PBK: variants seen among roughly 807,000 people sequenced by gnomAD.
The protein encoded by PBK is lymphokine-activated killer T-cell-originated protein kinase.
A neutral mutation model predicts 33.5 loss-of-function variants in PBK; 22 were observed. The ratio of observed to expected loss-of-function variants is 0.66; its 90% confidence interval spans 0.47 to 0.94. The LOEUF (loss-of-function observed/expected upper bound fraction) is 0.94, where lower values mean the gene tolerates loss of function less well. Among genes scored for constraint, PBK ranks in the 40% least tolerant of loss-of-function variants. The probability of loss-of-function intolerance (pLI) is 0.00; values close to 1 mark genes in which losing one functional copy is unlikely to be tolerated. For missense variants in PBK, 376 were observed against 383.4 expected, an observed-to-expected ratio of 0.98 and a Z score of 0.16; for synonymous variants, 129 against 123.8, an observed-to-expected ratio of 1.04 and a Z score of -0.28.
chr8:27,828,046 C>G (rs140897917), intron 3 of PBK, 59 bp downstream of exon 3: 6 of 828,598 alleles, frequency 7.2e-6, no homozygotes, highest in Non-Finnish European at 1.2e-5. Flanking sequence ...TTCTTTGTCT[C>G]CAAGTACAGT....
chr8:27,831,203 A>C (rs1011573067), intron 2 of PBK, among the ~76,000 whole-genome samples: 4 of 152,072 alleles, frequency 2.6e-5, no homozygotes, highest in South Asian at 2.1e-4. Flanking sequence ...AAATACAAAA[A>C]TTAGCCGGCC....
rs569262311 is a variant in PBK at position 27,810,207 on chromosome 8, A to T, written c.*98T>A. On this transcript the variant is annotated 3_prime_UTR_variant, in exon 8 of 8. Coordinates refer to ENST00000301905, the MANE Select transcript of PBK (RefSeq NM_018492.4). Reference sequence around the variant, plus strand: ...TAACAAGAAACTATGGTCCTCAAATATGCCAATTTTAGAGTCTAATAACTA... The same window carrying T: ...TAACAAGAAACTATGGTCCTCAAATTTGCCAATTTTAGAGTCTAATAACTA... 4 of 795,740 alleles carry T rather than the reference A, an allele frequency of 5.0e-6. No individual in the cohort carries two copies. The highest frequency in any genetic ancestry group is 6.3e-6 in the Non-Finnish European group (3 of 473,370). 49.3% of individuals were successfully genotyped at this position (795,740 alleles called of 1,614,324 possible). A position where few individuals can be genotyped will look rare whatever the true frequency, so the allele number is the denominator to read the frequency against.
At chr8:27,824,460 CAAAT>C (rs1403412191) in intron 3 of PBK, among the ~76,000 whole-genome samples, 1 of 151,684 alleles carries the variant, frequency 6.6e-6, no homozygotes, top group African/African-American at 2.4e-5. Context: ...GACAATATCA[CAAAT>C]AAAAATGGAA....
intron 2 of PBK, 45 bp downstream of exon 2, chr8:27,833,011 G>T (rs750011527): frequency 1.8e-6 from 2 of 1,133,450 alleles, no homozygotes; most frequent in Non-Finnish European, 2.6e-6. Flanking sequence ...ATTTCTAAGA[G>T]AAACAACAAT....
intron 6 of PBK, among the ~76,000 whole-genome samples, chr8:27,811,808 G>A (rs1166691608): frequency 1.3e-5 from 2 of 152,084 alleles, no homozygotes; most frequent in African/African-American, 4.8e-5. Flanking sequence ...ATATCTTACT[G>A]AATTTTCTCA....
chr8:27,830,334 G>A (rs1260058641), intron 2 of PBK, among the ~76,000 whole-genome samples: 2 of 149,846 alleles, frequency 1.3e-5, no homozygotes, highest in Admixed American at 6.6e-5. Context: ...AGACAAAATA[G>A]AAGCTTAGGA....
At chr8:27,811,716 T>G (rs979623462) in intron 6 of PBK, among the ~76,000 whole-genome samples, 8 of 152,300 alleles carry the variant, frequency 5.3e-5, no homozygotes, top group Middle Eastern at 3.4e-3. Flanking sequence ...TTGGACTAAA[T>G]CTCTGGATCA....
intron 3 of PBK, among the ~76,000 whole-genome samples, chr8:27,826,074 A>G (rs1243732744): frequency 6.6e-6 from 1 of 152,208 alleles, no homozygotes; most frequent in Non-Finnish European, 1.5e-5. Context: ...GATCCAGGAC[A>G]GTGGGGGGGA....
rs934026167 is a variant in PBK at position 27,811,165 on chromosome 8, G to A, written c.596-31C>T. The A allele has an allele frequency of 3.1e-6, 5 of 1,610,648 alleles. No individual in the cohort carries two copies. In the Admixed American group the frequency reaches 5.0e-5, roughly 16 times the overall value. On this transcript the variant is annotated intron_variant, in intron 6 of 7. Transcript: ENST00000301905. ...ACAAGCAAGATGGTTATGAAGGCAG[G>A]AGCTACAAATCACGAAAAGGCAAGC...
In PBK at chr8:27,811,151, G is replaced by T; in HGVS notation, c.596-17C>A. ...GGTCAGTCACTGAAACAAGCAAGAT[G>T]GTTATGAAGGCAGGAGCTACAAATC... On this transcript the variant is annotated splice_polypyrimidine_tract_variant and intron_variant, in intron 6 of 7. Coordinates refer to ENST00000301905, the MANE Select transcript of PBK (RefSeq NM_018492.4). 1 of 1,612,660 alleles carries T rather than the reference G, an allele frequency of 6.2e-7. No homozygotes were observed. The highest frequency in any genetic ancestry group is 8.5e-7 in the Non-Finnish European group (1 of 1,179,048).
chr8:27,834,719 C>A (rs1459638348), intron 1 of PBK, among the ~76,000 whole-genome samples: 1 of 152,078 alleles, frequency 6.6e-6, no homozygotes, highest in Non-Finnish European at 1.5e-5. Context: ...CATGGCGAAA[C>A]CTCGTCTCTA....
chr8:27,810,867 A>G (rs1484625375), intron 7 of PBK, 91 bp downstream of exon 7: 3 of 817,806 alleles, frequency 3.7e-6, no homozygotes, highest in Admixed American at 2.3e-5. Context: ...ATCAGTCATC[A>G]GTACTAATAC....
chr8:27,820,225 A>G (rs867030900), intron 6 of PBK, among the ~76,000 whole-genome samples: 17 of 152,180 alleles, frequency 1.1e-4, no homozygotes, highest in South Asian at 2.1e-4. Context: ...CACTTTACTC[A>G]TGCTAAATAA....
chr8:27,835,439 G>C (rs1037811140), intron 1 of PBK, among the ~76,000 whole-genome samples: 4 of 152,228 alleles, frequency 2.6e-5, no homozygotes, highest in African/African-American at 9.6e-5. Flanking sequence ...TGGGTTGCAG[G>C]AGGTATTTCT....
intron 6 of PBK, among the ~76,000 whole-genome samples, chr8:27,816,699 A>C (rs1191634199): frequency 6.6e-6 from 1 of 151,936 alleles, no homozygotes; most frequent in Non-Finnish European, 1.5e-5. Flanking sequence ...TTAGTTGTGA[A>C]ATGTTAATAT....
At chr8:27,821,439 T>G (rs1216200639) in intron 5 of PBK, among the ~76,000 whole-genome samples, 1 of 151,822 alleles carries the variant, frequency 6.6e-6, no homozygotes, top group Non-Finnish European at 1.5e-5. Context: ...TTTTTGTATT[T>G]TTAGTAGAGA....
chr8:27,810,221 G>T lies in PBK; in HGVS notation c.*84C>A. 2 of 904,146 alleles carry T rather than the reference G, an allele frequency of 2.2e-6. No individual in the cohort carries two copies. The highest frequency in any genetic ancestry group is 3.6e-6 in the Non-Finnish European group (2 of 563,118). The allele number at this position is 904,146 out of a possible 1,614,324, so 56.0% of individuals were successfully genotyped here. A position where few individuals can be genotyped will look rare whatever the true frequency, so the allele number is the denominator to read the frequency against. ...GGTCCTCAAATATGCCAATTTTAGA[G>T]TCTAATAACTACTGATAGTAACTAT... On this transcript the variant is annotated 3_prime_UTR_variant, in exon 8 of 8. Transcript: ENST00000301905.
chr8:27,830,055 T>C lies in PBK; in HGVS notation c.59-1857A>G, dbSNP rs141907268. Among the ~76,000 whole-genome samples, 245 of 150,360 alleles carry C rather than the reference T, an allele frequency of 1.6e-3. 2 individuals carry two copies. The highest frequency in any genetic ancestry group is 5.7e-3 in the African/African-American group (231 of 40,764). ...CTGTCTCTACTAAAAATACAAAAAT[T>C]AGCTGGGCGTGGTAGCACGTGCCTG... On this transcript the variant is annotated intron_variant, in intron 2 of 7. Transcript: ENST00000301905.
chr8:27,828,450 T>C (rs10100206), intron 2 of PBK, among the ~76,000 whole-genome samples: 19,803 of 152,116 alleles, frequency 0.13, 1,527 homozygotes, highest in East Asian at 0.33. Flanking sequence ...AGAACTGTTT[T>C]CACATTTTTA....
Sources: gnomAD v4.1 joint callset for allele counts (sites outside exome capture counted in the v4.1 genomes callset) on GRCh38, gnomAD v4.1.1 for gene constraint, MANE v1.5 for transcripts, NCBI Gene and HGNC (gene_info 2026-07-23, HGNC 2026-07-21) for gene names.